The following ESCO1 variants were observed in gnomAD, a reference collection of about 807,000 sequenced individuals.
ESCO1 encodes the protein establishment of sister chromatid cohesion N-acetyltransferase 1, also known as N-acetyltransferase ESCO1.
A neutral mutation model predicts 83.5 loss-of-function variants in ESCO1; 33 were observed. The observed-to-expected ratio is 0.40, with a 90% CI of 0.30 to 0.53. The LOEUF (loss-of-function observed/expected upper bound fraction) is 0.53, where lower values mean the gene tolerates loss of function less well. Ranked by LOEUF, ESCO1 falls within the 20% of genes least tolerant of loss-of-function variation. The pLI, the probability that ESCO1 is intolerant of heterozygous loss-of-function variation, is 0.63. For missense variants in ESCO1, 855 were observed against 968.0 expected (o/e 0.88, Z 1.55); for synonymous variants, 332 against 324.3 (o/e 1.02, Z -0.25).
At position 21,575,339 on chromosome 18, in the gene ESCO1, T is replaced by C. The variant is rs1296571352; in HGVS notation, c.-496A>G. On this transcript the variant is annotated 5_prime_UTR_variant, in exon 4 of 12. Coordinates refer to ENST00000269214, the MANE Select transcript of ESCO1 (RefSeq NM_052911.3). ...TATGGCTAACACGTTTCTTTCCTTG[T>C]TTGCTGAGTCTGTTGGTTTGCAGTT... 2.5e-6 allele frequency: 1 copy of C among 397,588 alleles called. No individual in the cohort carries two copies. The allele number at this position is 397,588 out of a possible 1,614,324, so 24.6% of individuals were successfully genotyped here.
intron 5 of ESCO1, 62 bp from the exon 6 acceptor site, chr18:21,566,268 G>A: frequency 6.9e-7 from 1 of 1,441,788 alleles, no homozygotes; most frequent in Admixed American, 2.1e-5. Flanking sequence ...CCATCTAATG[G>A]ATAAAATCAT....
At chr18:21,563,920 A>G (rs1354937162) in intron 7 of ESCO1, among the ~76,000 whole-genome samples, 1 of 28,852 alleles carries the variant, frequency 3.5e-5, no homozygotes, top group Admixed American at 4.0e-4. Context: ...GAGCAGGGTT[A>G]AAAAAAAAAA....
intron 4 of ESCO1, among the ~76,000 whole-genome samples, chr18:21,570,140 C>T (rs1240405537): frequency 6.6e-6 from 1 of 152,146 alleles, no homozygotes; most frequent in Non-Finnish European, 1.5e-5. Context: ...CTCTGTCACC[C>T]AGGCTGGAAT....
chr18:21,562,064 G>A (rs1176226241), intron 7 of ESCO1, among the ~76,000 whole-genome samples: 2 of 150,882 alleles, frequency 1.3e-5, no homozygotes, highest in Non-Finnish European at 3.0e-5. Context: ...TCTTTTAATA[G>A]AGACCGGGTT....
chr18:21,537,831 CA>C (rs2037855065), intron 9 of ESCO1, among the ~76,000 whole-genome samples: 1 of 151,976 alleles, frequency 6.6e-6, no homozygotes, highest in Non-Finnish European at 1.5e-5. Flanking sequence ...GCTGGAATTC[CA>C]AAAATTCATT....
At position 21,579,794 on chromosome 18, in the gene ESCO1, G is replaced by GCGCGCACACA. The variant is rs1192534759; in HGVS notation, c.-693-4018_-693-4017insTGTGTGCGCG. 3.8e-4 allele frequency among the ~76,000 whole-genome samples: 14 copies of GCGCGCACACA among 37,168 alleles called. No individual in the cohort carries two copies. The East Asian group carries it at 3.8e-3, about 10-fold the overall frequency. 24.4% of individuals were successfully genotyped at this position (37,168 alleles called of 152,430 possible). A position where few individuals can be genotyped will look rare whatever the true frequency, so the allele number is the denominator to read the frequency against. On this transcript the variant is annotated intron_variant, in intron 2 of 11. Transcript: ENST00000269214. ...CTGACACACACACACACGCGCGCGC[G>GCGCGCACACA]CACACACACACACACACACACACAC... is the stretch of plus-strand genomic sequence containing the variant.
intron 11 of ESCO1, among the ~76,000 whole-genome samples, chr18:21,531,703 C>T (rs955815312): frequency 6.6e-6 from 1 of 151,874 alleles, no homozygotes; most frequent in Non-Finnish European, 1.5e-5. Context: ...CCTGTAATCC[C>T]AGCACTTTGG....
intron 11 of ESCO1, among the ~76,000 whole-genome samples, chr18:21,531,893 CAA>C (rs10646843): frequency 1.2e-5 from 1 of 82,070 alleles, no homozygotes; most frequent in Non-Finnish European, 2.2e-5. Flanking sequence ...GACTCCATCT[CAA>C]AAAAAAAAAA....
At chr18:21,590,377 A>G (rs1191984512) in intron 1 of ESCO1, among the ~76,000 whole-genome samples, 1 of 151,180 alleles carries the variant, frequency 6.6e-6, no homozygotes. Context: ...ACGCGCCACC[A>G]CACCCAGCTA....
chr18:21,598,815 T>G (rs1402508761), intron 1 of ESCO1, among the ~76,000 whole-genome samples: 1 of 152,192 alleles, frequency 6.6e-6, no homozygotes, highest in Non-Finnish European at 1.5e-5. Context: ...TTCTAGCTCG[T>G]AAGCCAGGAC....
At chr18:21,551,719 A>C (rs1198551127) in intron 8 of ESCO1, among the ~76,000 whole-genome samples, 1 of 152,190 alleles carries the variant, frequency 6.6e-6, no homozygotes, top group Admixed American at 6.5e-5. Flanking sequence ...CTCCCATGGG[A>C]CAACTGCAGT....
At chr18:21,562,819 G>T (rs1468258371) in intron 7 of ESCO1, among the ~76,000 whole-genome samples, 1 of 150,934 alleles carries the variant, frequency 6.6e-6, no homozygotes, top group Non-Finnish European at 1.5e-5. Context: ...AAATAATAAT[G>T]TATTCTGCAA....
intron 2 of ESCO1, among the ~76,000 whole-genome samples, chr18:21,577,498 A>T (rs1462165289): frequency 8.6e-5 from 13 of 151,608 alleles, no homozygotes; most frequent in Admixed American, 7.2e-4. Context: ...GTCTCTACTA[A>T]AAATACAAAA....
chr18:21,532,646 T>G lies in ESCO1; in HGVS notation c.2202A>C (p.Ile734=), dbSNP rs2037782292. Reference sequence around the variant, plus strand: ...ACCTGATAACTGGAAGTTTCTCTTCTATAACTCTGTAGCCCTACAGGTGTC... The same window carrying G: ...ACCTGATAACTGGAAGTTTCTCTTCGATAACTCTGTAGCCCTACAGGTGTC... The part of the protein sequence containing the change: ...AEHIQWGYRV[I]EEKLPVIRSE... Residue 734 remains isoleucine, a synonymous_variant, in exon 11 of 12, where the codon ATA becomes ATC. Coordinates refer to ENST00000269214, the MANE Select transcript of ESCO1 (RefSeq NM_052911.3). 6.2e-7 allele frequency: 1 copy of G among 1,614,034 alleles called. No individual in the cohort carries two copies.
chr18:21,579,795 CACACACACACACA>C (rs2038473856), intron 2 of ESCO1, among the ~76,000 whole-genome samples: 15 of 10,588 alleles, frequency 1.4e-3, no homozygotes, highest in African/African-American at 1.9e-3. Context: ...CGCGCGCGCG[CACACACACACACA>C]CACACACACA....
chr18:21,576,497 A>G (rs2038420366), intron 2 of ESCO1, among the ~76,000 whole-genome samples: 2 of 152,188 alleles, frequency 1.3e-5, no homozygotes, highest in Non-Finnish European at 2.9e-5. Flanking sequence ...AGTGAGACCC[A>G]TATCTAAAAA....
chr18:21,552,031 T>C (rs1432901070), intron 8 of ESCO1, among the ~76,000 whole-genome samples: 2 of 152,192 alleles, frequency 1.3e-5, no homozygotes, highest in Non-Finnish European at 2.9e-5. Context: ...AGACTCAATA[T>C]TGTCAAAAGG....
rs552352015 is a variant in ESCO1 at position 21,590,231 on chromosome 18, T to C, written c.-824-5791A>G. 1.7e-4 allele frequency among the ~76,000 whole-genome samples: 25 copies of C among 151,202 alleles called. No individual in the cohort carries two copies. In the East Asian group the frequency reaches 4.3e-3, roughly 26 times the overall value. On this transcript the variant is annotated intron_variant, in intron 1 of 11. Transcript: ENST00000269214. The stretch of plus-strand genomic sequence containing the variant: ...CACCCACATGAACCCTTTTTCTTTT[T>C]TTTTTTTTGAGACTGCCTCTCACTC...
chr18:21,543,637 G>A (rs1324512768), intron 8 of ESCO1, among the ~76,000 whole-genome samples: 5 of 150,864 alleles, frequency 3.3e-5, no homozygotes, highest in African/African-American at 9.8e-5. Context: ...ATAATACCCC[G>A]ACTTTAAAAG....
Sources: allele counts gnomAD v4.1 joint callset (sites outside exome capture counted in the v4.1 genomes callset), GRCh38; gene constraint gnomAD v4.1.1; transcripts MANE v1.5; gene names NCBI Gene and HGNC (gene_info 2026-07-23, HGNC 2026-07-21).